MTX2: variants seen among roughly 807,000 people sequenced by gnomAD.
MTX2 encodes the protein metaxin-2.
A neutral mutation model predicts 42.3 loss-of-function variants in MTX2; 35 were observed. The ratio of observed to expected loss-of-function variants is 0.83; its 90% confidence interval spans 0.63 to 1.10. MTX2 has a LOEUF of 1.10. MTX2 is among the 50% of genes least tolerant of loss of function. The pLI is 0.00. For missense variants in MTX2, 307 were observed against 304.1 expected, an observed-to-expected ratio of 1.01 and a Z score of -0.07; for synonymous variants, 119 against 100.9, an observed-to-expected ratio of 1.18 and a Z score of -1.08.
chr2:176,300,190 ACTTAAG>A (rs1683988128), intron 3 of MTX2, among the ~76,000 whole-genome samples: 1 of 151,968 alleles, frequency 6.6e-6, no homozygotes, highest in Non-Finnish European at 1.5e-5. Flanking sequence ...GCTTTGAAGG[ACTTAAG>A]CTTATGCTGA....
At chr2:176,293,003 T>C (rs2105409633) in intron 1 of MTX2, among the ~76,000 whole-genome samples, 1 of 152,320 alleles carries the variant, frequency 6.6e-6, no homozygotes, top group East Asian at 1.9e-4. Flanking sequence ...TACAAAACTA[T>C]GTGTAGTTCA....
intron 3 of MTX2, among the ~76,000 whole-genome samples, chr2:176,311,239 C>A (rs567164820): frequency 6.6e-6 from 1 of 152,244 alleles, no homozygotes; most frequent in East Asian, 1.9e-4. Context: ...GGCTGCAGAA[C>A]GGCAAATATT....
At chr2:176,306,878 G>C (rs1684162544) in intron 3 of MTX2, among the ~76,000 whole-genome samples, 1 of 152,096 alleles carries the variant, frequency 6.6e-6, no homozygotes, top group African/African-American at 2.4e-5. Context: ...TCTGATGGTA[G>C]TTTCTTTTGC....
rs906896595 is a variant in MTX2, at chr2:176,323,539, A to G, written c.208+75A>G. 4.6e-5 allele frequency: 62 copies of G among 1,351,196 alleles called. No homozygotes were observed. The East Asian group carries it at 1.4e-3, about 31-fold the overall frequency. 83.7% of individuals were successfully genotyped at this position (1,351,196 alleles called of 1,614,324 possible). A position where few individuals can be genotyped will look rare whatever the true frequency, so the allele number is the denominator to read the frequency against. On this transcript the variant is annotated intron_variant, in intron 4 of 9. Transcript: ENST00000249442. Reference sequence around the variant, plus strand: ...TATAGTGATAGTCCAGTTTGTATCTACATGTTAAAATGCCTGATTTTTTTT... The same window carrying G: ...TATAGTGATAGTCCAGTTTGTATCTGCATGTTAAAATGCCTGATTTTTTTT...
chr2:176,297,804 T>C (rs1230841475), intron 2 of MTX2, 45 bp from the exon 3 acceptor site: 1 of 1,328,974 alleles, frequency 7.5e-7, no homozygotes, highest in East Asian at 2.5e-5. Context: ...ATAAAAATAC[T>C]ATATTCTACT....
intron 1 of MTX2, among the ~76,000 whole-genome samples, chr2:176,292,963 C>G (rs1037931976): frequency 1.3e-5 from 2 of 152,100 alleles, no homozygotes; most frequent in African/African-American, 4.8e-5. Context: ...GTAGCCCTTA[C>G]GTATATGTGT....
Position 176,279,046 on chromosome 2 carries a change from G to A in MTX2, c.40+9377G>A, listed in dbSNP as rs148599122. Among the ~76,000 whole-genome samples, 956 of 152,176 alleles carry A rather than the reference G, an allele frequency of 6.3e-3. 11 individuals are homozygous for A. Among genetic ancestry groups the A allele is most frequent in the African/African-American group, 0.021 (892 of 41,532 alleles). On this transcript the variant is annotated intron_variant, in intron 1 of 9. Transcript: ENST00000249442. ...CAATCATTTTGTCATGACAATTCTCGTTAACTGTAACTGTGTTGGCAAAAT... is the reference window on the plus strand; with the variant it reads ...CAATCATTTTGTCATGACAATTCTCATTAACTGTAACTGTGTTGGCAAAAT...
intron 3 of MTX2, among the ~76,000 whole-genome samples, chr2:176,310,287 G>A (rs949527417): frequency 6.6e-6 from 1 of 151,980 alleles, no homozygotes; most frequent in Non-Finnish European, 1.5e-5. Flanking sequence ...TAGTCTGATG[G>A]GCCTCCCTTT....
rs1684771340 is a variant in MTX2 at position 176,328,393 on chromosome 2, A to G, written c.378+8A>G. 1 of 1,478,278 alleles carries G rather than the reference A, an allele frequency of 6.8e-7. No individual in the cohort carries two copies. The highest frequency in any genetic ancestry group is 9.1e-7 in the Non-Finnish European group (1 of 1,098,662). 91.6% of individuals were successfully genotyped at this position (1,478,278 alleles called of 1,614,324 possible). On this transcript the variant is annotated splice_region_variant and intron_variant, in intron 6 of 9. Coordinates refer to ENST00000249442, the MANE Select transcript of MTX2 (RefSeq NM_006554.5). ...ATGCTGTTGACTGCAGAGGTAAAATACTAGATGATACGGCTTGAAAATAAG... is the reference window on the plus strand; with the variant it reads ...ATGCTGTTGACTGCAGAGGTAAAATGCTAGATGATACGGCTTGAAAATAAG...
chr2:176,283,003 A>G (rs1205065494), intron 1 of MTX2, among the ~76,000 whole-genome samples: 35 of 152,092 alleles, frequency 2.3e-4, no homozygotes, highest in Admixed American at 1.6e-3. Context: ...CACCTGGCCA[A>G]TCTAGTTTTA....
intron 3 of MTX2, among the ~76,000 whole-genome samples, chr2:176,319,047 T>C (rs1258749925): frequency 6.6e-6 from 1 of 152,230 alleles, no homozygotes; most frequent in Non-Finnish European, 1.5e-5. Context: ...GCTAAGTGTT[T>C]TATTCAAATT....
At chr2:176,294,905 T>C (rs1209306824) in intron 1 of MTX2, among the ~76,000 whole-genome samples, 2 of 152,202 alleles carry the variant, frequency 1.3e-5, no homozygotes, top group Non-Finnish European at 2.9e-5. Flanking sequence ...AAATTTGTAA[T>C]GCATGCCTAG....
At chr2:176,314,106 G>A (rs761787350) in intron 3 of MTX2, among the ~76,000 whole-genome samples, 1 of 151,718 alleles carries the variant, frequency 6.6e-6, no homozygotes, top group Non-Finnish European at 1.5e-5. Context: ...AAAAAGTGTT[G>A]TAGAGTCTGT....
chr2:176,283,118 A>C (rs1446492956), intron 1 of MTX2, among the ~76,000 whole-genome samples: 1 of 152,194 alleles, frequency 6.6e-6, no homozygotes, highest in Non-Finnish European at 1.5e-5. Context: ...TCACACAATA[A>C]GTTGTAGAAT....
chr2:176,303,017 T>G (rs1684062913), intron 3 of MTX2, among the ~76,000 whole-genome samples: 1 of 152,156 alleles, frequency 6.6e-6, no homozygotes, highest in Non-Finnish European at 1.5e-5. Context: ...ATTTGTCTTG[T>G]CATTTAAATG....
intron 3 of MTX2, among the ~76,000 whole-genome samples, chr2:176,306,873 TG>T (rs1289976965): frequency 6.6e-6 from 1 of 152,200 alleles, no homozygotes; most frequent in Non-Finnish European, 1.5e-5. Context: ...TTCACTCTGA[TG>T]GTAGTTTCTT....
intron 3 of MTX2, among the ~76,000 whole-genome samples, chr2:176,311,270 G>A (rs1355101883): frequency 3.3e-5 from 5 of 152,116 alleles, no homozygotes; most frequent in Admixed American, 2.0e-4. Context: ...CCTTCCTCTG[G>A]AAGCTTCGTC....
chr2:176,269,733 A>C, intron 1 of MTX2, 64 bp downstream of exon 1: 1 of 1,523,242 alleles, frequency 6.6e-7, no homozygotes, highest in South Asian at 1.2e-5. Context: ...CGTGGGGTAC[A>C]GGGCTGGAGC....
chr2:176,329,011 T>A, intron 7 of MTX2, 99 bp downstream of exon 7: 2 of 1,131,852 alleles, frequency 1.8e-6, no homozygotes, highest in Non-Finnish European at 2.6e-6. Flanking sequence ...CATTGTGGTT[T>A]ATACCATTAG....
Sources: gnomAD v4.1 joint callset for allele counts (sites outside exome capture counted in the v4.1 genomes callset) on GRCh38, gnomAD v4.1.1 for gene constraint, MANE v1.5 for transcripts, NCBI Gene and HGNC (gene_info 2026-07-23, HGNC 2026-07-21) for gene names.